The following HIP1 variants were observed in gnomAD, a reference collection of about 807,000 sequenced individuals.
HIP1 encodes huntingtin interacting protein 1, also known as huntingtin-interacting protein 1.
In HIP1, 65 loss-of-function variants were observed where a neutral mutation model predicts 147.6. The ratio of observed to expected loss-of-function variants is 0.44; its 90% CI spans 0.36 to 0.54. The LOEUF is 0.54. HIP1 is among the 20% of genes least tolerant of loss of function. The pLI, the probability that HIP1 is intolerant of heterozygous loss-of-function variation, is 0.00. For synonymous variants in HIP1, 479 were observed against 504.0 expected, an observed-to-expected ratio of 0.95 and a Z score of 0.67; for missense variants, 1,061 against 1,299.6, an observed-to-expected ratio of 0.82 and a Z score of 2.82.
intron 18 of HIP1, 118 bp from the exon 19 acceptor site, chr7:75,555,669 C>T: frequency 8.9e-7 from 1 of 1,118,162 alleles, no homozygotes; most frequent in Non-Finnish European, 1.3e-6. Context: ...AGGTCCAAGC[C>T]AGTAAGCCTG....
In HIP1 at chr7:75,544,697, T is replaced by C. The variant is rs587625112; in HGVS notation, c.2764A>G (p.Lys922Glu). The stretch of plus-strand genomic sequence containing the variant: ...TAGGAGGTCCAGCCAGGTCCTACCT[T>C]GGATGCAGCCACAAGCTGGGCTGTG... ...ASTAQLVAAS[K>E]VKADKDSPNL... The change falls in exon 27 of 31, where the codon AAG becomes GAG. Residue 922 changes from lysine (K) to glutamate (E), a missense_variant and splice_region_variant. Around this residue, in one of 3 missense-constraint regions of HIP1, gnomAD observed 810 missense variants for 946.8 expected, o/e 0.86. Coordinates refer to ENST00000336926, the MANE Select transcript of HIP1 (RefSeq NM_005338.7). The C allele has an allele frequency of 1.9e-6, 3 of 1,602,406 alleles. No individual in the cohort carries two copies. The African/African-American group carries it at 4.0e-5, about 21-fold the overall frequency.
At chr7:75,634,214 C>T (rs1197986538) in intron 1 of HIP1, among the ~76,000 whole-genome samples, 1 of 151,802 alleles carries the variant, frequency 6.6e-6, no homozygotes, top group African/African-American at 2.4e-5. Context: ...GAGCTGTGAT[C>T]GCACCACTGC....
At chr7:75,723,965 G>A (rs946342750) in intron 1 of HIP1, among the ~76,000 whole-genome samples, 1 of 141,580 alleles carries the variant, frequency 7.1e-6, no homozygotes, top group Middle Eastern at 3.4e-3. Flanking sequence ...GAGAGAGAGA[G>A]AGAGAAAGAG....
chr7:75,660,467 C>A (rs1164716766), intron 1 of HIP1, among the ~76,000 whole-genome samples: 2 of 152,102 alleles, frequency 1.3e-5, no homozygotes, highest in African/African-American at 4.8e-5. Flanking sequence ...GCAGAGGTTG[C>A]AGTGAACCGA....
chr7:75,642,673 T>C (rs1347216992), intron 1 of HIP1, among the ~76,000 whole-genome samples: 2 of 152,234 alleles, frequency 1.3e-5, no homozygotes, highest in Non-Finnish European at 2.9e-5. Flanking sequence ...CCCAGGATGC[T>C]CCTGGAAGGT....
chr7:75,551,369 C>A (rs1794777244), intron 22 of HIP1, among the ~76,000 whole-genome samples: 1 of 150,582 alleles, frequency 6.6e-6, no homozygotes, highest in Non-Finnish European at 1.5e-5. Context: ...AAATTAGCCA[C>A]CACAACTGGC....
At chr7:75,575,947 A>G (rs1184425043) in intron 7 of HIP1, among the ~76,000 whole-genome samples, 1 of 152,088 alleles carries the variant, frequency 6.6e-6, no homozygotes, top group Non-Finnish European at 1.5e-5. Context: ...GTTCTAATTA[A>G]AAGGCAGCTT....
chr7:75,538,170 C>T lies in HIP1; in HGVS notation c.*2G>A. ...ACTGACATATGGGGTGTTGGTTTGGCTCTATTCTTTTTCGGTTACCACTTC... is the reference window on the plus strand; with the variant it reads ...ACTGACATATGGGGTGTTGGTTTGGTTCTATTCTTTTTCGGTTACCACTTC... On this transcript the variant is annotated 3_prime_UTR_variant, in exon 31 of 31. Coordinates refer to ENST00000336926, the MANE Select transcript of HIP1 (RefSeq NM_005338.7). The T allele has an allele frequency of 6.2e-7, 1 of 1,609,732 alleles. No individual in the cohort carries two copies.
intron 1 of HIP1, among the ~76,000 whole-genome samples, chr7:75,632,368 A>G (rs949666263): frequency 6.6e-6 from 1 of 152,144 alleles, no homozygotes; most frequent in Non-Finnish European, 1.5e-5. Flanking sequence ...ACGATGAAAG[A>G]TAGTAATCCA....
At chr7:75,728,779 C>T (rs535374267) in intron 1 of HIP1, among the ~76,000 whole-genome samples, 1 of 128,392 alleles carries the variant, frequency 7.8e-6, no homozygotes, top group African/African-American at 3.0e-5. Context: ...CACAGCGAGA[C>T]TCTGTCTCAA....
At chr7:75,681,372 C>A (rs1044338964) in intron 1 of HIP1, among the ~76,000 whole-genome samples, 3 of 152,154 alleles carry the variant, frequency 2.0e-5, no homozygotes, top group Admixed American at 6.5e-5. Flanking sequence ...CAAGAAGGCT[C>A]TTCTTGACCT....
At chr7:75,678,596 G>C (rs782722339) in intron 1 of HIP1, among the ~76,000 whole-genome samples, 4 of 152,162 alleles carry the variant, frequency 2.6e-5, no homozygotes, top group African/African-American at 9.6e-5. Context: ...CACCTGCCTC[G>C]GCCTCCCAAA....
rs573810904 is a variant in HIP1 at position 75,640,436 on chromosome 7, G to C, written c.121-41189C>G. On this transcript the variant is annotated intron_variant, in intron 1 of 30. Coordinates refer to ENST00000336926, the MANE Select transcript of HIP1 (RefSeq NM_005338.7). ...ATGAAGTTAGGGCTTTTAAAATAAT[G>C]AACAGGTGGGCCTGGCTCCCGGCGG... is the stretch of plus-strand genomic sequence containing the variant. 5.3e-4 allele frequency among the ~76,000 whole-genome samples: 80 copies of C among 152,292 alleles called. 1 individual carries two copies. The highest frequency in any genetic ancestry group is 2.1e-3 in the South Asian group (10 of 4,822).
At chr7:75,542,798 C>G in intron 28 of HIP1, 53 bp downstream of exon 28, 2 of 1,580,012 alleles carry the variant, frequency 1.3e-6, no homozygotes, top group South Asian at 2.3e-5. Flanking sequence ...GGGAAGGATG[C>G]AGAGAAGAGC....
Position 75,547,832 on chromosome 7 carries a change from G to A in HIP1, c.2407-19C>T. On this transcript the variant is annotated intron_variant, in intron 23 of 30. Coordinates refer to ENST00000336926, the MANE Select transcript of HIP1 (RefSeq NM_005338.7). Reference sequence around the variant, plus strand: ...GCATCTCCTGTGAAAAAGAAGCATGGTTTCTAAATGTGCCTTGAATATTAA... The same window carrying A: ...GCATCTCCTGTGAAAAAGAAGCATGATTTCTAAATGTGCCTTGAATATTAA... The A allele has an allele frequency of 6.2e-7, 1 of 1,606,834 alleles. No individual in the cohort carries two copies.
intron 25 of HIP1, 23 bp downstream of exon 25, chr7:75,546,916 C>T: frequency 1.3e-6 from 2 of 1,527,540 alleles, no homozygotes; most frequent in Non-Finnish European, 1.8e-6. Context: ...CTCTTCCTGC[C>T]CAGGGCCCAC....
intron 15 of HIP1, 83 bp from the exon 16 acceptor site, chr7:75,557,853 G>A: frequency 2.9e-6 from 3 of 1,037,644 alleles, no homozygotes; most frequent in Non-Finnish European, 4.5e-6. Context: ...TACTCAGGCT[G>A]TGCGTGCCCT....
At position 75,614,842 on chromosome 7, in the gene HIP1, C is replaced by T. The variant is rs180754500; in HGVS notation, c.121-15595G>A. Among the ~76,000 whole-genome samples, 527 of 152,066 alleles carry T rather than the reference C, an allele frequency of 3.5e-3. 2 individuals carry two copies. Among genetic ancestry groups the T allele is most frequent in the Non-Finnish European group, 5.6e-3 (380 of 67,988 alleles). On this transcript the variant is annotated intron_variant, in intron 1 of 30. Coordinates refer to ENST00000336926, the MANE Select transcript of HIP1 (RefSeq NM_005338.7). The stretch of plus-strand genomic sequence containing the variant: ...AGGCTGGAGTGCAGTGGCGCGATCT[C>T]GGCGCATTGCAACCTCTGCCTCCCG...
At position 75,542,811 on chromosome 7, in the gene HIP1, A is replaced by C. The variant is rs141289688; in HGVS notation, c.2890+40T>G. ...CAGGGAAGGATGCAGAGAAGAGCTC[A>C]ACAGGGTGGGTAAGAAAAGGGTCCC... On this transcript the variant is annotated intron_variant, in intron 28 of 30. Transcript: ENST00000336926. 1,191 of 1,609,440 alleles carry C rather than the reference A, an allele frequency of 7.4e-4. 11 individuals carry two copies. The highest frequency in any genetic ancestry group is 3.1e-4 in the East Asian group (14 of 44,812).
Sources: gnomAD v4.1 joint callset for allele counts (sites outside exome capture counted in the v4.1 genomes callset) on GRCh38, gnomAD v4.1.1 for gene constraint, gnomAD v4.1.1 regional missense constraint, MANE v1.5 for transcripts, NCBI Gene and HGNC (gene_info 2026-07-23, HGNC 2026-07-21) for gene names.